TAOK3: variants seen among roughly 807,000 people sequenced by gnomAD.
TAOK3 encodes TAO kinase 3, also known as serine/threonine-protein kinase TAO3.
A neutral mutation model predicts 120.4 loss-of-function variants in TAOK3; 40 were observed. That is an observed-to-expected ratio of 0.33 (90% CI 0.26 to 0.43). TAOK3 has a LOEUF of 0.43. Ranked by LOEUF, TAOK3 falls within the 20% of genes least tolerant of loss-of-function variation. TAOK3 has a pLI of 1.00. For synonymous variants in TAOK3, 355 were observed against 387.5 expected (o/e 0.92, Z 0.99); for missense variants, 821 against 1,112.1 (o/e 0.74, Z 3.72).
chr12:118,166,092 T>A (rs1027860091), intron 17 of TAOK3, among the ~76,000 whole-genome samples: 7 of 152,176 alleles, frequency 4.6e-5, no homozygotes, highest in Non-Finnish European at 1.0e-4. Flanking sequence ...TGCCACCCTA[T>A]GAGGTGATAA....
At chr12:118,242,111 C>T (rs938555097) in intron 5 of TAOK3, among the ~76,000 whole-genome samples, 5 of 149,534 alleles carry the variant, frequency 3.3e-5, no homozygotes, top group African/African-American at 4.9e-5. Flanking sequence ...AAGAGAAAAA[C>T]GAGCTTCAAG....
intron 1 of TAOK3, among the ~76,000 whole-genome samples, chr12:118,308,914 C>A (rs2043153166): frequency 9.4e-6 from 1 of 106,074 alleles, no homozygotes; most frequent in African/African-American, 3.9e-5. Context: ...TGGGGAACAG[C>A]AGCGAAACTC....
chr12:118,289,296 C>CAAAAAAAA (rs59297201), intron 1 of TAOK3, among the ~76,000 whole-genome samples: 2 of 78,722 alleles, frequency 2.5e-5, no homozygotes, highest in African/African-American at 4.9e-5. Flanking sequence ...AAGACTGTCT[C>CAAAAAAAA]AAAAAAAAAA....
At chr12:118,329,153 G>C (rs1255736964) in intron 1 of TAOK3, among the ~76,000 whole-genome samples, 1 of 152,178 alleles carries the variant, frequency 6.6e-6, no homozygotes, top group Non-Finnish European at 1.5e-5. Flanking sequence ...CAAAAGCCTA[G>C]AGACACAGTT....
chr12:118,183,178 T>A lies in TAOK3; in HGVS notation c.1330-1571A>T, dbSNP rs546181055. On this transcript the variant is annotated intron_variant, in intron 14 of 20. Coordinates refer to ENST00000392533, the MANE Select transcript of TAOK3 (RefSeq NM_016281.4). The stretch of plus-strand genomic sequence containing the variant: ...TTACAGGAAATTTTCAAGCTGCTAT[T>A]AATTTTCTGTACTATTTTCAGTTTA... 4.6e-5 allele frequency among the ~76,000 whole-genome samples: 7 copies of A among 152,300 alleles called. No homozygotes were observed. In the East Asian group the frequency reaches 1.3e-3, roughly 29 times the overall value.
intron 1 of TAOK3, among the ~76,000 whole-genome samples, chr12:118,308,657 C>T (rs988614663): frequency 7.9e-5 from 12 of 152,096 alleles, no homozygotes; most frequent in South Asian, 4.2e-4. Flanking sequence ...TGGCCGGGCG[C>T]GGTGGCTCAC....
chr12:118,149,915 A>T lies in TAOK3; in HGVS notation c.*1082T>A, dbSNP rs1377338284. The T allele has an allele frequency of 6.6e-6, 1 of 152,006 alleles. No individual in the cohort carries two copies. Among genetic ancestry groups the T allele is most frequent in the African/African-American group, 2.4e-5 (1 of 41,398 alleles). The allele number at this position is 152,006 out of a possible 1,614,324, so 9.4% of individuals were successfully genotyped here. A position where few individuals can be genotyped will look rare whatever the true frequency, so the allele number is the denominator to read the frequency against. On this transcript the variant is annotated 3_prime_UTR_variant, in exon 21 of 21. Transcript: ENST00000392533. ...TTTTAAAGTGCATGCAAAAGAAGTA[A>T]AGCCTTTTTTTTTTTCATCATTTTT...
intron 11 of TAOK3, among the ~76,000 whole-genome samples, chr12:118,207,187 G>A (rs1218938724): frequency 6.6e-6 from 1 of 151,670 alleles, no homozygotes; most frequent in East Asian, 2.0e-4. Flanking sequence ...TTAGCCGGGC[G>A]TGGTGGCACA....
intron 1 of TAOK3, among the ~76,000 whole-genome samples, chr12:118,356,313 T>C (rs2045391638): frequency 6.7e-6 from 1 of 148,916 alleles, no homozygotes; most frequent in African/African-American, 2.5e-5. Flanking sequence ...TTTTTTTTTT[T>C]TTTTGAGATG....
intron 17 of TAOK3, among the ~76,000 whole-genome samples, chr12:118,170,639 C>T (rs546660553): frequency 1.4e-4 from 22 of 152,136 alleles, no homozygotes; most frequent in African/African-American, 5.1e-4. Flanking sequence ...GGTGTGTGCC[C>T]GTAATCCCAG....
chr12:118,362,643 G>C (rs988574907), intron 1 of TAOK3, among the ~76,000 whole-genome samples: 1 of 152,106 alleles, frequency 6.6e-6, no homozygotes, highest in Non-Finnish European at 1.5e-5. Context: ...CCCTCTCCCA[G>C]GCTCTACCTC....
chr12:118,322,850 C>T (rs894333590), intron 1 of TAOK3, among the ~76,000 whole-genome samples: 3 of 151,312 alleles, frequency 2.0e-5, no homozygotes, highest in South Asian at 2.1e-4. Flanking sequence ...CTCAGCCTCC[C>T]GAGTAGCTGG....
chr12:118,239,655 A>G (rs1168052074), intron 5 of TAOK3, among the ~76,000 whole-genome samples: 1 of 152,224 alleles, frequency 6.6e-6, no homozygotes, highest in Non-Finnish European at 1.5e-5. Flanking sequence ...GAGCCAGTAA[A>G]ATCTATTTTG....
At chr12:118,158,272 A>G (rs948034834) in intron 19 of TAOK3, among the ~76,000 whole-genome samples, 4 of 152,140 alleles carry the variant, frequency 2.6e-5, no homozygotes, top group Admixed American at 6.5e-5. Flanking sequence ...CCTCTCTAAG[A>G]ATACCTCCCG....
intron 1 of TAOK3, among the ~76,000 whole-genome samples, chr12:118,295,736 C>G (rs2042656588): frequency 6.6e-6 from 1 of 152,164 alleles, no homozygotes; most frequent in Non-Finnish European, 1.5e-5. Flanking sequence ...TCTATCCAGT[C>G]TCTAGGTTCT....
intron 19 of TAOK3, among the ~76,000 whole-genome samples, chr12:118,156,110 C>T (rs1316052237): frequency 6.6e-6 from 1 of 152,176 alleles, no homozygotes; most frequent in Admixed American, 6.5e-5. Flanking sequence ...TAAAGATTAA[C>T]AAGACAAAAA....
intron 7 of TAOK3, 183 bp from the exon 8 acceptor site, chr12:118,235,854 T>G: frequency 5.9e-6 from 3 of 504,720 alleles, no homozygotes; most frequent in Non-Finnish European, 1.1e-5. Flanking sequence ...GGGGCCCAGA[T>G]TCCTGGGTGT....
chr12:118,294,452 C>T (rs1159386683), intron 1 of TAOK3, among the ~76,000 whole-genome samples: 7 of 151,944 alleles, frequency 4.6e-5, no homozygotes, highest in African/African-American at 1.4e-4. Flanking sequence ...ACTGCACTCT[C>T]GGCTCACTCC....
intron 3 of TAOK3, among the ~76,000 whole-genome samples, chr12:118,251,841 A>T (rs1258805355): frequency 6.2e-4 from 89 of 143,448 alleles, no homozygotes; most frequent in African/African-American, 2.3e-3. Context: ...TTTTTTTTTG[A>T]GACAGAGTCT....
Sources: allele counts gnomAD v4.1 joint callset (sites outside exome capture counted in the v4.1 genomes callset), GRCh38; gene constraint gnomAD v4.1.1; transcripts MANE v1.5; gene names NCBI Gene and HGNC (gene_info 2026-07-23, HGNC 2026-07-21).